LCLAT1: variants seen among roughly 807,000 people sequenced by gnomAD.
The protein encoded by LCLAT1 is 1-AGP acyltransferase 8.
A neutral mutation model predicts 30.7 loss-of-function variants in LCLAT1; 11 were observed. The ratio of observed to expected loss-of-function variants is 0.36; its 90% confidence interval spans 0.23 to 0.59. LCLAT1 has a LOEUF of 0.59. Among genes scored for constraint, LCLAT1 ranks in the 20% least tolerant of loss-of-function variants. The pLI, the probability that LCLAT1 is intolerant of heterozygous loss-of-function variation, is 0.77. For missense variants in LCLAT1, 402 were observed against 458.6 expected (o/e 0.88, Z 1.13); for synonymous variants, 155 against 151.3 (o/e 1.02, Z -0.18).
chr2:30,456,744 T>C (rs1376889980), intron 1 of LCLAT1, among the ~76,000 whole-genome samples: 2 of 152,186 alleles, frequency 1.3e-5, no homozygotes, highest in Non-Finnish European at 2.9e-5. Context: ...ATATTTTCCA[T>C]GGGTCCCAAG....
At chr2:30,559,345 C>A (rs1026654339) in intron 3 of LCLAT1, among the ~76,000 whole-genome samples, 1 of 152,142 alleles carries the variant, frequency 6.6e-6, no homozygotes, top group Admixed American at 6.5e-5. Flanking sequence ...GTAAGTTATA[C>A]CTCTATAAAA....
chr2:30,510,217 C>A (rs1419681267), intron 1 of LCLAT1, among the ~76,000 whole-genome samples: 1 of 151,868 alleles, frequency 6.6e-6, no homozygotes, highest in Non-Finnish European at 1.5e-5. Context: ...TATTTCAGAT[C>A]TCCCTTAGTC....
At chr2:30,505,032 C>T (rs1449092638) in intron 1 of LCLAT1, among the ~76,000 whole-genome samples, 1 of 152,114 alleles carries the variant, frequency 6.6e-6, no homozygotes, top group East Asian at 1.9e-4. Flanking sequence ...GCATTCTTTC[C>T]AGCTGCTGCA....
chr2:30,633,173 A>G (rs1433341872), intron 5 of LCLAT1, among the ~76,000 whole-genome samples: 2 of 152,182 alleles, frequency 1.3e-5, no homozygotes, highest in African/African-American at 4.8e-5. Flanking sequence ...TACTAAATCC[A>G]AGTTTTATCT....
At position 30,568,066 on chromosome 2, in the gene LCLAT1, G is replaced by T; in HGVS notation, c.518G>T (p.Ser173Ile). 6.5e-7 allele frequency: 1 copy of T among 1,529,304 alleles called. No homozygotes were observed. Among genetic ancestry groups the T allele is most frequent in the Non-Finnish European group, 9.0e-7 (1 of 1,110,396 alleles). The allele number at this position is 1,529,304 out of a possible 1,614,324, so 94.7% of individuals were successfully genotyped here. ...GGTCCATTGTTTTGTTTAGAAAACA[G>T]CAAGTCTCGAAGTAATGCATTTGCT... ...FPEGTDLTEN[S>I]KSRSNAFAEK... Residue 173 changes from serine to isoleucine, a missense_variant, in exon 5 of 6, where the codon AGC (serine) becomes ATC (isoleucine). Transcript: ENST00000379509.
intron 5 of LCLAT1, among the ~76,000 whole-genome samples, chr2:30,597,132 T>A (rs1666958432): frequency 6.8e-6 from 1 of 147,936 alleles, no homozygotes; most frequent in African/African-American, 2.5e-5. Flanking sequence ...ATGGGCTTTT[T>A]GTTGGTTCCA....
chr2:30,537,020 GAGAA>G (rs1181331662), intron 3 of LCLAT1, among the ~76,000 whole-genome samples: 15 of 152,170 alleles, frequency 9.9e-5, no homozygotes, highest in Admixed American at 2.6e-4. Context: ...TGAAGGAATT[GAGAA>G]AGAAATTCTA....
chr2:30,533,092 T>C (rs760477434), intron 2 of LCLAT1, 24 bp from the exon 3 acceptor site: 5 of 1,515,256 alleles, frequency 3.3e-6, no homozygotes, highest in African/African-American at 1.4e-5. Context: ...TTTAATTTGC[T>C]GTATATCTGT....
chr2:30,471,400 G>A (rs1339762145), intron 1 of LCLAT1, among the ~76,000 whole-genome samples: 1 of 151,816 alleles, frequency 6.6e-6, no homozygotes, highest in African/African-American at 2.4e-5. Context: ...AGTAGAGACA[G>A]GGTTTCGCCA....
chr2:30,591,179 G>GTGT, intron 5 of LCLAT1, among the ~76,000 whole-genome samples: 1 of 152,096 alleles, frequency 6.6e-6, no homozygotes, highest in African/African-American at 2.4e-5. Context: ...TTGGAACTAA[G>GTGT]TGTTATAGCT....
intron 5 of LCLAT1, among the ~76,000 whole-genome samples, chr2:30,597,435 C>T (rs141044474): frequency 1.3e-5 from 2 of 152,216 alleles, no homozygotes; most frequent in African/African-American, 4.8e-5. Context: ...TATGATTTGG[C>T]TCTCTGCTTG....
chr2:30,531,401 T>C (rs1685980319), intron 2 of LCLAT1, among the ~76,000 whole-genome samples: 2 of 152,204 alleles, frequency 1.3e-5, no homozygotes, highest in Admixed American at 1.3e-4. Flanking sequence ...GGGTTATAAT[T>C]AGTTGAGCGG....
intron 5 of LCLAT1, among the ~76,000 whole-genome samples, chr2:30,604,348 TAG>T (rs1667329693): frequency 6.6e-6 from 1 of 152,138 alleles, no homozygotes; most frequent in African/African-American, 2.4e-5. Context: ...TCTAGCTGTC[TAG>T]CTGTCTTTTA....
intron 4 of LCLAT1, among the ~76,000 whole-genome samples, chr2:30,562,979 C>G (rs1481915360): frequency 6.6e-6 from 1 of 152,198 alleles, no homozygotes; most frequent in Non-Finnish European, 1.5e-5. Context: ...TTCAAGAAAA[C>G]TCAGCCATCA....
rs755338315 is a variant in LCLAT1 at position 30,533,129 on chromosome 2, C to A, written c.179C>A (p.Thr60Asn). 4.3e-6 allele frequency: 7 copies of A among 1,612,786 alleles called. No individual in the cohort carries two copies. The East Asian group carries it at 1.6e-4, about 36-fold the overall frequency. ...WLTLPVALLE[T>N]MFGVKVIITG... ...TTGTTTTCTTAGGCATTATTGGAGA[C>A]CATGTTTGGTGTAAAAGTGATTATA... The change falls in exon 3 of 6, where the codon ACC becomes AAC. Residue 60 changes from threonine to asparagine, a missense_variant. Physicochemically the swap from Thr to Asn is moderately conservative, Grantham distance 65. Transcript: ENST00000379509.
At chr2:30,490,529 G>T (rs1210745498) in intron 1 of LCLAT1, among the ~76,000 whole-genome samples, 1 of 152,110 alleles carries the variant, frequency 6.6e-6, no homozygotes, top group Non-Finnish European at 1.5e-5. Context: ...TTGATTGTAG[G>T]AAGGCCTAGG....
intron 5 of LCLAT1, among the ~76,000 whole-genome samples, chr2:30,572,329 C>T (rs1572642522): frequency 6.6e-6 from 1 of 152,214 alleles, no homozygotes; most frequent in African/African-American, 2.4e-5. Context: ...TTATCAAGTT[C>T]TTCTTATGTA....
At position 30,605,769 on chromosome 2, in the gene LCLAT1, CTT is replaced by C. The variant is rs1200910693; in HGVS notation, c.629-34345_629-34344del. Among the ~76,000 whole-genome samples the C allele has an allele frequency of 1.3e-5, 2 of 152,092 alleles. 1 individual carries two copies. Among genetic ancestry groups the C allele is most frequent in the South Asian group, 4.1e-4 (2 of 4,828 alleles). The stretch of plus-strand genomic sequence containing the variant: ...CTAATAGAGAAATGGATGAGCAAAT[CTT>C]TTATGTCAGTGGTCCCCAACCTTTT... On this transcript the variant is annotated intron_variant, in intron 5 of 5. Coordinates refer to ENST00000379509, the MANE Select transcript of LCLAT1 (RefSeq NM_001002257.3).
chr2:30,475,680 T>A (rs1289003315), intron 1 of LCLAT1, among the ~76,000 whole-genome samples: 1 of 152,236 alleles, frequency 6.6e-6, no homozygotes, highest in Non-Finnish European at 1.5e-5. Context: ...TTAGCCAGAA[T>A]AAATGTTGAA....
Sources: allele counts gnomAD v4.1 joint callset (sites outside exome capture counted in the v4.1 genomes callset), GRCh38; gene constraint gnomAD v4.1.1; transcripts MANE v1.5; gene names NCBI Gene and HGNC (gene_info 2026-07-23, HGNC 2026-07-21).